Variants in TAF1A observed in about 807,000 individuals in gnomAD.
TAF1A encodes TATA-box binding protein associated factor, RNA polymerase I subunit A, also known as TATA box-binding protein-associated factor RNA polymerase I subunit A.
A neutral mutation model predicts 61.6 loss-of-function variants in TAF1A; 42 were observed. The observed-to-expected ratio is 0.68, with a 90% CI of 0.53 to 0.88. The LOEUF is 0.88. Ranked by LOEUF, TAF1A falls within the 40% of genes least tolerant of loss-of-function variation. TAF1A has a pLI of 0.00. For synonymous variants in TAF1A, 179 were observed against 177.7 expected, an observed-to-expected ratio of 1.01 and a Z score of -0.06; for missense variants, 424 against 518.7, an observed-to-expected ratio of 0.82 and a Z score of 1.77.
At chr1:222,565,948 T>C (rs1660099749) in intron 7 of TAF1A, among the ~76,000 whole-genome samples, 1 of 152,168 alleles carries the variant, frequency 6.6e-6, no homozygotes, top group Admixed American at 6.6e-5. Flanking sequence ...CATCTGAAGG[T>C]TTGATAATGC....
intron 2 of TAF1A, 82 bp from the exon 3 acceptor site, chr1:222,584,379 T>G (rs1194640091): frequency 7.3e-7 from 1 of 1,368,764 alleles, no homozygotes; most frequent in East Asian, 2.4e-5. Flanking sequence ...GATAAGAAGT[T>G]TTAACAAGTA....
chr1:222,588,583 AT>A lies in TAF1A; in HGVS notation c.-2-19del. 6.2e-7 allele frequency: 1 copy of A among 1,611,250 alleles called. No individual in the cohort carries two copies. Among genetic ancestry groups the A allele is most frequent in the South Asian group, 1.1e-5 (1 of 90,246 alleles). On this transcript the variant is annotated intron_variant, in intron 1 of 10. Coordinates refer to ENST00000352967, the MANE Select transcript of TAF1A (RefSeq NM_005681.4). ...ACTCATACCTATTACAAGATGAGAT[AT>A]CAGTTACTTTCTGTACATCTTAATC...
At chr1:222,569,317 C>T (rs751829414) in intron 7 of TAF1A, 193 bp downstream of exon 7, 118 of 1,511,410 alleles carry the variant, frequency 7.8e-5, no homozygotes, top group Non-Finnish European at 8.3e-5. Context: ...CAGTCTCATC[C>T]GGGCAGCAGG....
At chr1:222,566,933 A>T (rs1278020697) in intron 7 of TAF1A, among the ~76,000 whole-genome samples, 1 of 152,226 alleles carries the variant, frequency 6.6e-6, no homozygotes, top group Non-Finnish European at 1.5e-5. Context: ...ATAATCCAGC[A>T]ATTTCACTCC....
In TAF1A at chr1:222,577,476, C is replaced by T; in HGVS notation, c.573G>A (p.Trp191Ter). Residue 191 changes from tryptophan to a stop codon, truncating the protein, a stop_gained, in exon 5 of 11, where the codon TGG (tryptophan) becomes TGA (stop). Coordinates refer to ENST00000352967, the MANE Select transcript of TAF1A (RefSeq NM_005681.4). LOFTEE classifies it high-confidence loss of function. Reference protein sequence around the residue: ...AYKGLLQYYTWSEKKMELSKL... With the variant: ...AYKGLLQYYT ...TTGACAATTCCATCTTCTTTTCAGACCAGGTATAATACTGTAAAAGCCCTT... is the reference window on the plus strand; with the variant it reads ...TTGACAATTCCATCTTCTTTTCAGATCAGGTATAATACTGTAAAAGCCCTT... 1 of 1,613,828 alleles carries T rather than the reference C, an allele frequency of 6.2e-7. No homozygotes were observed. Among genetic ancestry groups the T allele is most frequent in the Non-Finnish European group, 8.5e-7 (1 of 1,179,846 alleles).
chr1:222,576,876 G>C (rs1286080714), intron 5 of TAF1A, among the ~76,000 whole-genome samples: 1 of 152,156 alleles, frequency 6.6e-6, no homozygotes, highest in Non-Finnish European at 1.5e-5. Flanking sequence ...CTCCAGCCAG[G>C]CTCCTCTGAG....
At chr1:222,582,950 G>A (rs755057496) in intron 3 of TAF1A, among the ~76,000 whole-genome samples, 6 of 152,160 alleles carry the variant, frequency 3.9e-5, no homozygotes, top group Non-Finnish European at 7.3e-5. Context: ...TGGGGAGGCC[G>A]AGGTGGACAG....
chr1:222,555,242 G>C (rs182765664), downstream of TAF1A, among the ~76,000 whole-genome samples: 1 of 152,286 alleles, frequency 6.6e-6, no homozygotes, highest in East Asian at 1.9e-4. Context: ...ATTGAAAATA[G>C]AAATATCTGG....
At chr1:222,567,261 T>C (rs939088926) in intron 7 of TAF1A, among the ~76,000 whole-genome samples, 1 of 152,148 alleles carries the variant, frequency 6.6e-6, no homozygotes, top group Non-Finnish European at 1.5e-5. Context: ...TTCACGAAGA[T>C]GGAAATTAGC....
At chr1:222,583,710 T>C (rs926089178) in intron 3 of TAF1A, among the ~76,000 whole-genome samples, 1 of 151,868 alleles carries the variant, frequency 6.6e-6, no homozygotes, top group African/African-American at 2.4e-5. Context: ...TGGTGGTACA[T>C]GCCTGTAGTC....
At chr1:222,571,134 C>T (rs1571808629) in intron 5 of TAF1A, among the ~76,000 whole-genome samples, 1 of 152,022 alleles carries the variant, frequency 6.6e-6, no homozygotes, top group Non-Finnish European at 1.5e-5. Flanking sequence ...GGACCAAAAC[C>T]TCATGATCAT....
chr1:222,584,912 C>T lies in TAF1A; in HGVS notation c.122-615G>A, dbSNP rs1344392196. Among the ~76,000 whole-genome samples the T allele has an allele frequency of 1.1e-4, 16 of 152,178 alleles. 1 individual carries two copies. Among genetic ancestry groups the T allele is most frequent in the Admixed American group, 9.8e-4 (15 of 15,272 alleles). ...CTTATCTTCCCACGTAACTATGAGA[C>T]CCCTCTAGTCCAGCTGGGTAATTGT... On this transcript the variant is annotated intron_variant, in intron 2 of 10. Coordinates refer to ENST00000352967, the MANE Select transcript of TAF1A (RefSeq NM_005681.4).
chr1:222,570,704 A>G, intron 5 of TAF1A, 39 bp from the exon 6 acceptor site: 1 of 1,517,666 alleles, frequency 6.6e-7, no homozygotes, highest in Non-Finnish European at 8.9e-7. Context: ...TTCATTAAAC[A>G]TTGAGGACCT....
intron 3 of TAF1A, among the ~76,000 whole-genome samples, chr1:222,583,621 C>T (rs569401361): frequency 7.2e-5 from 11 of 152,092 alleles, no homozygotes; most frequent in South Asian, 4.1e-4. Flanking sequence ...AGGCGGATCA[C>T]GAGGTCAAGA....
At chr1:222,588,343 C>T in intron 2 of TAF1A, 100 bp downstream of exon 2, 2 of 1,420,108 alleles carry the variant, frequency 1.4e-6, no homozygotes, top group East Asian at 2.3e-5. Context: ...CCACATATTC[C>T]TCTTGAAAAT....
intron 4 of TAF1A, among the ~76,000 whole-genome samples, chr1:222,578,604 T>C (rs746939457): frequency 3.3e-5 from 5 of 152,212 alleles, no homozygotes; most frequent in African/African-American, 7.2e-5. Context: ...GAATGGCCAA[T>C]TGCTTTTGCA....
intron 7 of TAF1A, among the ~76,000 whole-genome samples, chr1:222,567,364 TAGAC>T (rs1660160330): frequency 1.3e-5 from 2 of 152,296 alleles, no homozygotes; most frequent in African/African-American, 4.8e-5. Context: ...ATTCTGGAAA[TAGAC>T]AGTGATGGTG....
intron 7 of TAF1A, 183 bp downstream of exon 7, chr1:222,569,327 G>A (rs186695132): frequency 4.8e-5 from 73 of 1,523,188 alleles, no homozygotes; most frequent in Non-Finnish European, 6.4e-5. Flanking sequence ...CGGGCAGCAG[G>A]GGATAGTGTG....
In TAF1A at chr1:222,563,305, G is replaced by T. The variant is rs1359992355; in HGVS notation, c.962-9C>A. ...ACGGTGTTCTTCTTTTTCTGCAATG[G>T]TTTTAACAGTTCAAGTTTACATAAG... On this transcript the variant is annotated splice_polypyrimidine_tract_variant and intron_variant, in intron 8 of 10. Coordinates refer to ENST00000352967, the MANE Select transcript of TAF1A (RefSeq NM_005681.4). The T allele has an allele frequency of 1.2e-5, 19 of 1,609,672 alleles. No individual in the cohort carries two copies. Among genetic ancestry groups the T allele is most frequent in the Non-Finnish European group, 1.4e-5 (17 of 1,178,744 alleles).
Sources: gnomAD v4.1 joint callset for allele counts (sites outside exome capture counted in the v4.1 genomes callset) on GRCh38, gnomAD v4.1.1 for gene constraint, MANE v1.5 for transcripts, NCBI Gene and HGNC (gene_info 2026-07-23, HGNC 2026-07-21) for gene names.